Variants in LRRK1 observed in about 807,000 individuals in gnomAD.
LRRK1 encodes the protein leucine rich repeat kinase 1, also known as leucine-rich repeat serine/threonine-protein kinase 1.
In LRRK1, 113 loss-of-function variants were observed where a neutral mutation model predicts 209.1. The ratio of observed to expected loss-of-function variants is 0.54; its 90% CI spans 0.46 to 0.63. The LOEUF (loss-of-function observed/expected upper bound fraction) is 0.63, where lower values mean the gene tolerates loss of function less well. LRRK1 is among the 30% of genes least tolerant of loss of function. The probability of loss-of-function intolerance (pLI) is 0.00; values close to 1 mark genes in which losing one functional copy is unlikely to be tolerated. For missense variants in LRRK1, 2,284 were observed against 2,632.2 expected (o/e 0.87, Z 2.89); for synonymous variants, 1,144 against 1,099.7 (o/e 1.04, Z -0.80).
At chr15:100,997,977 G>T (rs1349202978) in intron 6 of LRRK1, among the ~76,000 whole-genome samples, 2 of 152,014 alleles carry the variant, frequency 1.3e-5, no homozygotes, top group Non-Finnish European at 2.9e-5. Context: ...TTAGGAGTTC[G>T]AGACCAGCCT....
intron 22 of LRRK1, 60 bp downstream of exon 22, chr15:101,048,717 G>A: frequency 5.0e-6 from 7 of 1,401,272 alleles, no homozygotes; most frequent in Non-Finnish European, 5.7e-6. Context: ...CCACCGCGGG[G>A]CCACGTCAGC....
rs150950134 is a variant in LRRK1 at position 100,951,641 on chromosome 15, T to C, written c.98-22163T>C. Among the ~76,000 whole-genome samples, 81 of 152,272 alleles carry C rather than the reference T, an allele frequency of 5.3e-4. 3 individuals carry two copies. The East Asian group carries it at 0.012, about 22-fold the overall frequency. On this transcript the variant is annotated intron_variant, in intron 2 of 33. Transcript: ENST00000388948. ...GAAATAATAGCATTACTAGCAAGTA[T>C]GAATTAATACTTAATAATTAAATAA... is the stretch of plus-strand genomic sequence containing the variant.
intron 2 of LRRK1, among the ~76,000 whole-genome samples, chr15:100,972,359 AGAGAGTGTGTGTGTGTGTGT>A (rs1840575843): frequency 2.3e-5 from 2 of 86,974 alleles, no homozygotes; most frequent in African/African-American, 1.0e-4. Flanking sequence ...AGAGAGAGAG[AGAGAGTGTGTGTGTGTGTGT>A]GTGTGTGTGT....
At position 101,025,936 on chromosome 15, in the gene LRRK1, G is replaced by A. The variant is rs754271335; in HGVS notation, c.2233-29G>A. ...GTCCCTTGTTCCATGAACAGAGACA[G>A]TACTCAGCCGTGGGGTTCTCTGTTG... On this transcript the variant is annotated intron_variant, in intron 16 of 33. Coordinates refer to ENST00000388948, the MANE Select transcript of LRRK1 (RefSeq NM_024652.6). 5 of 1,612,540 alleles carry A rather than the reference G, an allele frequency of 3.1e-6. No individual in the cohort carries two copies. In the Admixed American group the frequency reaches 8.3e-5, roughly 27 times the overall value.
chr15:100,939,656 G>T (rs774694392), intron 2 of LRRK1, among the ~76,000 whole-genome samples: 2 of 152,196 alleles, frequency 1.3e-5, no homozygotes, highest in Non-Finnish European at 2.9e-5. Context: ...ATTTGAGGTT[G>T]CAAAGTGGTG....
At chr15:100,923,807 T>C (rs769256919) in intron 1 of LRRK1, among the ~76,000 whole-genome samples, 12 of 152,240 alleles carry the variant, frequency 7.9e-5, no homozygotes, top group Non-Finnish European at 1.3e-4. Context: ...AGCAGCATCA[T>C]TGACCTCTAC....
Position 101,058,759 on chromosome 15 carries a change from A to T in LRRK1, c.4679+618A>T, listed in dbSNP as rs8031193. Among the ~76,000 whole-genome samples, 18 of 151,444 alleles carry T rather than the reference A, an allele frequency of 1.2e-4. No individual in the cohort carries two copies. In the South Asian group the frequency reaches 2.7e-3, roughly 23 times the overall value. On this transcript the variant is annotated intron_variant, in intron 29 of 33. Transcript: ENST00000388948. ...AAATTCAGGGAGCACAATGCAAAGT[A>T]CTAAAGGATCCTAGGTATTGCCAGA...
Position 101,077,486 on chromosome 15 carries a change from AATCAG to A in LRRK1, c.*8641_*8645del, listed in dbSNP as rs2037024433. ...TGCTGAACCTCCTTTGGCACTCTCT[AATCAG>A]ATGTCCTGAGTCATCTCAATTCTTA... On this transcript the variant is annotated 3_prime_UTR_variant, in exon 34 of 34. Transcript: ENST00000388948. 2.6e-5 allele frequency: 4 copies of A among 152,256 alleles called. No individual in the cohort carries two copies. The South Asian group carries it at 8.3e-4, about 32-fold the overall frequency. The allele number at this position is 152,256 out of a possible 1,614,324, so 9.4% of individuals were successfully genotyped here.
Position 101,022,218 on chromosome 15 carries a change from T to A in LRRK1, c.1853-165T>A, listed in dbSNP as rs1356194818. The A allele has an allele frequency of 8.4e-6, 6 of 714,410 alleles. No homozygotes were observed. The highest frequency in any genetic ancestry group is 3.5e-5 in the African/African-American group (2 of 56,492). 44.3% of individuals were successfully genotyped at this position (714,410 alleles called of 1,614,324 possible). On this transcript the variant is annotated intron_variant, in intron 14 of 33. Coordinates refer to ENST00000388948, the MANE Select transcript of LRRK1 (RefSeq NM_024652.6). This position sits in a 1 kb window ranked among gnomAD's most constrained non-coding sequence, Gnocchi z 4.0. ...GGTTCTTGCCTCTTAGAGTTCGCTT[T>A]TAGGGTGGTTAGTGTCATGCCTTCC... is the stretch of plus-strand genomic sequence containing the variant.
At chr15:100,926,885 A>G (rs987793997) in intron 2 of LRRK1, among the ~76,000 whole-genome samples, 4 of 152,106 alleles carry the variant, frequency 2.6e-5, no homozygotes, top group Admixed American at 2.6e-4. Flanking sequence ...AAGTTTCACC[A>G]TGTTGGCCAG....
At chr15:100,980,224 T>C (rs2031524142) in intron 3 of LRRK1, among the ~76,000 whole-genome samples, 1 of 151,798 alleles carries the variant, frequency 6.6e-6, no homozygotes, top group Non-Finnish European at 1.5e-5. Context: ...ACTACTAAGC[T>C]ATACAAAGGA....
rs189546787 is a variant in LRRK1, at chr15:100,997,920, C to G, written c.762+8522C>G. Among the ~76,000 whole-genome samples the G allele has an allele frequency of 2.6e-5, 4 of 152,326 alleles. No individual in the cohort carries two copies. The East Asian group carries it at 7.7e-4, about 29-fold the overall frequency. ...GTCTGCTGGGTGCGGTGGCTCACGCCTATAATCCCAGCACATTGGGAGGCC... is the reference window on the plus strand; with the variant it reads ...GTCTGCTGGGTGCGGTGGCTCACGCGTATAATCCCAGCACATTGGGAGGCC... On this transcript the variant is annotated intron_variant, in intron 6 of 33. Transcript: ENST00000388948.
At position 101,069,701 on chromosome 15, in the gene LRRK1, A is replaced by G. The variant is rs1320674256; in HGVS notation, c.*853A>G. ...TCTTGTTTATCACTTTAAAAAATTC[A>G]GTAATATCTCAGCAGTCAGGCTTCT... On this transcript the variant is annotated 3_prime_UTR_variant, in exon 34 of 34. Transcript: ENST00000388948. 1.3e-5 allele frequency: 2 copies of G among 152,672 alleles called. No individual in the cohort carries two copies. Among genetic ancestry groups the G allele is most frequent in the African/African-American group, 4.8e-5 (2 of 41,464 alleles). 9.5% of individuals were successfully genotyped at this position (152,672 alleles called of 1,614,324 possible).
intron 2 of LRRK1, among the ~76,000 whole-genome samples, chr15:100,966,493 C>G (rs184025447): frequency 6.6e-6 from 1 of 152,296 alleles, no homozygotes; most frequent in African/African-American, 2.4e-5. Context: ...ATGAAGTCCC[C>G]CATGGCCCAT....
chr15:100,930,515 C>T (rs2042192666), intron 2 of LRRK1, among the ~76,000 whole-genome samples: 1 of 152,208 alleles, frequency 6.6e-6, no homozygotes, highest in Admixed American at 6.5e-5. Context: ...CAGTCCTCAC[C>T]CCCTCCCTGG....
In LRRK1 at chr15:101,065,165, C is replaced by G; in HGVS notation, c.4915-187C>G. 3 of 634,990 alleles carry G rather than the reference C, an allele frequency of 4.7e-6. No homozygotes were observed. The South Asian group carries it at 5.9e-5, about 12-fold the overall frequency. The allele number at this position is 634,990 out of a possible 1,614,324, so 39.3% of individuals were successfully genotyped here. ...TGCAGGGATGGTAGATATGGCTCTG[C>G]GGAGTCAGAGCTGCACTTCTTTAGG... On this transcript the variant is annotated intron_variant, in intron 31 of 33. Coordinates refer to ENST00000388948, the MANE Select transcript of LRRK1 (RefSeq NM_024652.6).
chr15:100,943,492 G>A (rs760549852), intron 2 of LRRK1, among the ~76,000 whole-genome samples: 3 of 152,094 alleles, frequency 2.0e-5, no homozygotes, highest in East Asian at 3.9e-4. Flanking sequence ...TATCTTTGTT[G>A]TTATTGCCAT....
chr15:101,045,990 G>A lies in LRRK1; in HGVS notation c.2973G>A (p.Leu991=). 6.2e-7 allele frequency: 1 copy of A among 1,614,070 alleles called. No homozygotes were observed. Among genetic ancestry groups the A allele is most frequent in the Non-Finnish European group, 8.5e-7 (1 of 1,179,978 alleles). ...ALPVANDSYL[L]PHLLPSKPGL... is the part of the protein sequence containing the mutation. ...CCTTGGTGTGTTTCAGCTACCTCCT[G>A]CCCCATCTCCTTCCATCTAAACCTG... Residue 991 remains leucine, a synonymous_variant, in exon 21 of 34, where the codon CTG becomes CTA. Coordinates refer to ENST00000388948, the MANE Select transcript of LRRK1 (RefSeq NM_024652.6).
At chr15:101,033,802 G>A (rs2034384828) in intron 20 of LRRK1, among the ~76,000 whole-genome samples, 1 of 152,146 alleles carries the variant, frequency 6.6e-6, no homozygotes, top group African/African-American at 2.4e-5. Context: ...TTGCTGGATT[G>A]TATGGTAGTT....
Sources: allele counts gnomAD v4.1 joint callset (sites outside exome capture counted in the v4.1 genomes callset), GRCh38; gene constraint gnomAD v4.1.1; non-coding constraint Gnocchi (gnomAD v3.1); transcripts MANE v1.5; gene names NCBI Gene and HGNC (gene_info 2026-07-23, HGNC 2026-07-21).